AKAP19: variants seen among roughly 807,000 people sequenced by gnomAD.
AKAP19 encodes the protein A-kinase anchoring protein 19, also known as small A-kinase anchoring protein.
the AKAP19 span, among the ~76,000 whole-genome samples, chr2:190,078,905 A>G: frequency 6.6e-6 from 1 of 152,234 alleles, no homozygotes; most frequent in Non-Finnish European, 1.5e-5. Flanking sequence ...AATAAGTTAT[A>G]GTATCTCCAG....
the AKAP19 span, among the ~76,000 whole-genome samples, chr2:189,881,709 A>G: frequency 1.8e-4 from 28 of 152,196 alleles, no homozygotes; most frequent in Admixed American, 1.8e-3. Flanking sequence ...AAGAAGGAAA[A>G]AAATTGAAAA....
At chr2:190,046,232 G>A in the AKAP19 span, among the ~76,000 whole-genome samples, 2 of 152,016 alleles carry the variant, frequency 1.3e-5, no homozygotes, top group Non-Finnish European at 2.9e-5. Flanking sequence ...CTTCTAGTCA[G>A]CCATCTTGGC....
At chr2:189,930,716 CAA>C in the AKAP19 span, 5 of 552,990 alleles carry the variant, frequency 9.0e-6, no homozygotes, top group Admixed American at 1.4e-4. Flanking sequence ...TCCCCATAAA[CAA>C]AGTCCATCAT....
At chr2:190,105,853 A>C in the AKAP19 span, among the ~76,000 whole-genome samples, 1 of 152,172 alleles carries the variant, frequency 6.6e-6, no homozygotes, top group Non-Finnish European at 1.5e-5. Context: ...TGTTTATCAC[A>C]CTAAACAGAA....
At chr2:190,188,864 T>C in the AKAP19 span, among the ~76,000 whole-genome samples, 1 of 152,180 alleles carries the variant, frequency 6.6e-6, no homozygotes, top group African/African-American at 2.4e-5. Flanking sequence ...ATGGAAACTA[T>C]AGCATGAAAA....
At chr2:190,018,414 G>C in the AKAP19 span, among the ~76,000 whole-genome samples, 1 of 151,506 alleles carries the variant, frequency 6.6e-6, no homozygotes, top group African/African-American at 2.4e-5. Flanking sequence ...ATGCTTTATT[G>C]AGCCTACTGT....
the AKAP19 span, among the ~76,000 whole-genome samples, chr2:190,100,327 A>C: frequency 2.0e-5 from 3 of 152,208 alleles, no homozygotes; most frequent in Admixed American, 2.0e-4. Flanking sequence ...CTTTGAAGCC[A>C]GGAAATCAGC....
chr2:190,157,453 T>C, the AKAP19 span, among the ~76,000 whole-genome samples: 2 of 151,186 alleles, frequency 1.3e-5, no homozygotes, highest in African/African-American at 4.9e-5. Context: ...AGGTTAAATA[T>C]TAGGTTGTTA....
At chr2:190,134,258 T>C in the AKAP19 span, among the ~76,000 whole-genome samples, 19 of 152,114 alleles carry the variant, frequency 1.2e-4, no homozygotes, top group African/African-American at 3.9e-4. Flanking sequence ...AAAATACTAC[T>C]GTTAAAGGTG....
chr2:189,981,469 T>C, the AKAP19 span, among the ~76,000 whole-genome samples: 2 of 152,168 alleles, frequency 1.3e-5, no homozygotes, highest in Non-Finnish European at 2.9e-5. Flanking sequence ...TAAGTACTTG[T>C]GTCTTCTGAA....
the AKAP19 span, among the ~76,000 whole-genome samples, chr2:189,994,113 C>A: frequency 6.6e-6 from 1 of 151,400 alleles, no homozygotes; most frequent in Non-Finnish European, 1.5e-5. Context: ...TGGGTTCAAG[C>A]GATTCTCCTG....
chr2:189,996,320 C>T, the AKAP19 span, among the ~76,000 whole-genome samples: 7 of 152,128 alleles, frequency 4.6e-5, no homozygotes, highest in Admixed American at 1.3e-4. Context: ...TTTGTCTGAT[C>T]GGGTTAATTC....
the AKAP19 span, among the ~76,000 whole-genome samples, chr2:189,881,227 T>A: frequency 6.6e-6 from 1 of 152,180 alleles, no homozygotes; most frequent in Non-Finnish European, 1.5e-5. Flanking sequence ...AAAATAAATC[T>A]TGGGGCTCCT....
At chr2:189,973,332 G>C in the AKAP19 span, among the ~76,000 whole-genome samples, 1 of 152,176 alleles carries the variant, frequency 6.6e-6, no homozygotes, top group African/African-American at 2.4e-5. Flanking sequence ...CAGGGATGAA[G>C]GCCACTTGAT....
At chr2:189,978,688 A>G in the AKAP19 span, among the ~76,000 whole-genome samples, 1 of 152,176 alleles carries the variant, frequency 6.6e-6, no homozygotes, top group Non-Finnish European at 1.5e-5. Flanking sequence ...CACTTAGGAT[A>G]ATGGCCTTCA....
chr2:190,174,991 A>ATACATAGAG, the AKAP19 span, among the ~76,000 whole-genome samples: 566 of 104,994 alleles, frequency 5.4e-3, 4 homozygotes, highest in African/African-American at 0.016. Flanking sequence ...AGCACATAAG[A>ATACATAGAG]TACATAGATT....
At chr2:190,024,057 G>GT in the AKAP19 span, among the ~76,000 whole-genome samples, 1 of 151,758 alleles carries the variant, frequency 6.6e-6, no homozygotes, top group Admixed American at 6.6e-5. Flanking sequence ...CCAGGGGGCA[G>GT]TAGATGCAAT....
the AKAP19 span, among the ~76,000 whole-genome samples, chr2:190,158,392 A>G: frequency 1.3e-5 from 2 of 152,236 alleles, no homozygotes; most frequent in African/African-American, 4.8e-5. Context: ...TCAAGCAAGC[A>G]GTTTCATTTA....
At chr2:190,129,660 A>G in the AKAP19 span, among the ~76,000 whole-genome samples, 7 of 152,156 alleles carry the variant, frequency 4.6e-5, no homozygotes, top group Admixed American at 3.9e-4. Context: ...AGAAGAAAAC[A>G]GAGGCAATAA....
Sources: allele counts gnomAD v4.1 joint callset (sites outside exome capture counted in the v4.1 genomes callset), GRCh38; gene constraint gnomAD v4.1.1; transcripts MANE v1.5; gene names NCBI Gene and HGNC (gene_info 2026-07-23, HGNC 2026-07-21).